The following TAFA5 variants were observed in gnomAD, a reference collection of about 807,000 sequenced individuals.
The protein encoded by TAFA5 is TAFA chemokine like family member 5.
In TAFA5, 6 loss-of-function variants were observed where a neutral mutation model predicts 15.3. The observed-to-expected ratio is 0.39, with a 90% confidence interval of 0.21 to 0.77. The LOEUF (loss-of-function observed/expected upper bound fraction) is 0.77. Ranked by LOEUF, TAFA5 falls within the 30% of genes least tolerant of loss-of-function variation. The probability of loss-of-function intolerance (pLI) is 0.41; values close to 1 mark genes in which losing one functional copy is unlikely to be tolerated. For synonymous variants in TAFA5, 103 were observed against 80.7 expected, an observed-to-expected ratio of 1.28 and a Z score of -1.48; for missense variants, 161 against 193.1, an observed-to-expected ratio of 0.83 and a Z score of 0.98.
intron 1 of TAFA5, among the ~76,000 whole-genome samples, chr22:48,500,567 C>T (rs928396073): frequency 2.6e-5 from 4 of 152,222 alleles, no homozygotes; most frequent in South Asian, 2.1e-4. Context: ...TGGAAGGCGC[C>T]GGGCCCGCAG....
At chr22:48,648,818 ACT>A (rs1441827149) in intron 2 of TAFA5, among the ~76,000 whole-genome samples, 1 of 135,182 alleles carries the variant, frequency 7.4e-6, no homozygotes, top group Non-Finnish European at 1.6e-5. Flanking sequence ...GCAGAGCAAG[ACT>A]CTGTCTCAAA....
rs869050468 is a variant in TAFA5, at chr22:48,571,271, CTTTTTTTTTTTT to C, written c.113-75315_113-75304del. 8.1e-3 allele frequency among the ~76,000 whole-genome samples: 796 copies of C among 97,674 alleles called. 2 individuals are homozygous for C. Among genetic ancestry groups the C allele is most frequent in the Admixed American group, 0.015 (127 of 8,422 alleles). 64.1% of individuals were successfully genotyped at this position (97,674 alleles called of 152,430 possible). On this transcript the variant is annotated intron_variant, in intron 1 of 3. Coordinates refer to ENST00000402357, the MANE Select transcript of TAFA5 (RefSeq NM_001082967.3). ...AACATTTTTTTGTTGTTGTTGTTTG[CTTTTTTTTTTTT>C]TTTTTTTTTTGAGACAAAGTCTCGC...
intron 1 of TAFA5, among the ~76,000 whole-genome samples, chr22:48,579,271 C>A (rs546975836): frequency 6.6e-6 from 1 of 152,354 alleles, no homozygotes; most frequent in Admixed American, 6.5e-5. Flanking sequence ...CGCACCAGGC[C>A]TGGCTGGGCA....
At chr22:48,544,975 G>A (rs1318177131) in intron 1 of TAFA5, 2 of 433,782 alleles carry the variant, frequency 4.6e-6, no homozygotes, top group Non-Finnish European at 9.7e-6. Context: ...TCAGTGGGCA[G>A]CAGCCGCCTC....
At chr22:48,496,577 G>T (rs1330635431) in intron 1 of TAFA5, among the ~76,000 whole-genome samples, 1 of 152,202 alleles carries the variant, frequency 6.6e-6, no homozygotes, top group Non-Finnish European at 1.5e-5. Context: ...GTGGGGGACA[G>T]AGGAGGGCCC....
intron 1 of TAFA5, among the ~76,000 whole-genome samples, chr22:48,533,801 C>A (rs2147114291): frequency 6.6e-6 from 1 of 152,194 alleles, no homozygotes; most frequent in African/African-American, 2.4e-5. Flanking sequence ...CCTGTCCTTT[C>A]TTGCTGTACA....
At chr22:48,590,104 A>G (rs1202232332) in intron 1 of TAFA5, among the ~76,000 whole-genome samples, 4 of 151,966 alleles carry the variant, frequency 2.6e-5, no homozygotes, top group Non-Finnish European at 5.9e-5. Context: ...TGTCTCAAGG[A>G]GGACCTGGAG....
At chr22:48,734,407 C>T (rs1397100259) in intron 3 of TAFA5, among the ~76,000 whole-genome samples, 4 of 152,224 alleles carry the variant, frequency 2.6e-5, no homozygotes, top group African/African-American at 4.8e-5. Context: ...GATGATTTTA[C>T]GTTTTATCCT....
intron 1 of TAFA5, among the ~76,000 whole-genome samples, chr22:48,577,383 G>A (rs948251098): frequency 1.3e-5 from 2 of 152,172 alleles, no homozygotes; most frequent in African/African-American, 4.8e-5. Flanking sequence ...GGCTCCCGGT[G>A]CACCCCGGGA....
chr22:48,548,403 C>G (rs900747566), intron 1 of TAFA5, among the ~76,000 whole-genome samples: 2 of 152,174 alleles, frequency 1.3e-5, no homozygotes, highest in Non-Finnish European at 2.9e-5. Flanking sequence ...GTGTTTCCAA[C>G]CAGTATATAT....
At chr22:48,731,603 C>G (rs1301303704) in intron 3 of TAFA5, among the ~76,000 whole-genome samples, 1 of 152,212 alleles carries the variant, frequency 6.6e-6, no homozygotes, top group Middle Eastern at 3.2e-3. Context: ...CAAACCTACT[C>G]CGCCTGTGCT....
At chr22:48,737,039 GTC>G (rs1491489618) in intron 3 of TAFA5, among the ~76,000 whole-genome samples, 1 of 152,294 alleles carries the variant, frequency 6.6e-6, no homozygotes, top group Admixed American at 6.5e-5. Flanking sequence ...GCCCTGACCC[GTC>G]TCTCCCCTGG....
chr22:48,622,921 A>G (rs1925891081), intron 1 of TAFA5, among the ~76,000 whole-genome samples: 1 of 152,212 alleles, frequency 6.6e-6, no homozygotes, highest in Non-Finnish European at 1.5e-5. Flanking sequence ...AGCCAAGCAC[A>G]CTACTGGGCG....
intron 3 of TAFA5, among the ~76,000 whole-genome samples, chr22:48,714,752 C>A (rs935512588): frequency 6.6e-6 from 1 of 152,192 alleles, no homozygotes; most frequent in Admixed American, 6.5e-5. Flanking sequence ...CCAATGACCA[C>A]GTTCTGAGTG....
chr22:48,518,197 C>T (rs1034346631), intron 1 of TAFA5, among the ~76,000 whole-genome samples: 9 of 152,206 alleles, frequency 5.9e-5, no homozygotes, highest in East Asian at 1.9e-4. Context: ...AGATGGTACC[C>T]GCAGGAGCCC....
chr22:48,491,197 T>A (rs2147090262), intron 1 of TAFA5, among the ~76,000 whole-genome samples: 1 of 152,212 alleles, frequency 6.6e-6, no homozygotes, highest in African/African-American at 2.4e-5. Flanking sequence ...TGAGCGACAT[T>A]TGTGCCTGCC....
intron 2 of TAFA5, among the ~76,000 whole-genome samples, chr22:48,654,617 C>A (rs1257360482): frequency 6.6e-6 from 1 of 152,354 alleles, no homozygotes; most frequent in African/African-American, 2.4e-5. Context: ...GCAGGCCTCC[C>A]GGCACTGACT....
chr22:48,612,909 G>A (rs970088101), intron 1 of TAFA5, among the ~76,000 whole-genome samples: 4 of 152,198 alleles, frequency 2.6e-5, no homozygotes, highest in African/African-American at 9.6e-5. Context: ...TGGTGCAGGA[G>A]GTCACAGTGA....
rs1923561218 is a variant in TAFA5, at chr22:48,570,953, T to C, written c.113-75644T>C. On this transcript the variant is annotated intron_variant, in intron 1 of 3. Transcript: ENST00000402357. ...TACCTATTCTTCACAGTTTTTCTACTTCTAGAGAGTCAAATGTGCTAAATT... is the reference window on the plus strand; with the variant it reads ...TACCTATTCTTCACAGTTTTTCTACCTCTAGAGAGTCAAATGTGCTAAATT... Among the ~76,000 whole-genome samples, 3 of 152,328 alleles carry C rather than the reference T, an allele frequency of 2.0e-5. No individual in the cohort carries two copies. The South Asian group carries it at 6.2e-4, about 32-fold the overall frequency.
Sources: gnomAD v4.1 joint callset for allele counts (sites outside exome capture counted in the v4.1 genomes callset) on GRCh38, gnomAD v4.1.1 for gene constraint, MANE v1.5 for transcripts, NCBI Gene and HGNC (gene_info 2026-07-23, HGNC 2026-07-21) for gene names.